The following CLCN5 variants were observed in gnomAD, a reference collection of about 807,000 sequenced individuals.
CLCN5 encodes H(+)/Cl(-) exchange transporter 5.
In CLCN5, 17 loss-of-function variants were observed where a neutral mutation model predicts 54.0. The ratio of observed to expected loss-of-function variants is 0.31; its 90% confidence interval spans 0.22 to 0.47. CLCN5 has a LOEUF of 0.47. Ranked by LOEUF, CLCN5 falls within the 20% of genes least tolerant of loss-of-function variation. CLCN5 has a pLI of 1.00. For synonymous variants in CLCN5, 222 were observed against 233.0 expected (o/e 0.95, Z 0.43); for missense variants, 448 against 646.7 (o/e 0.69, Z 3.33).
rs957878264 is a variant in CLCN5, at chrX:50,077,629, T to A, written c.603+1647T>A. On this transcript the variant is annotated intron_variant, in intron 7 of 14. Transcript: ENST00000376091. ...GAGAGAGAGAGAGAGAGAGTGTGTG[T>A]GTGTGTGTGTGTGTGTGTGTGTGTG... Among the ~76,000 whole-genome samples, 445 of 97,368 alleles carry A rather than the reference T, an allele frequency of 4.6e-3. 4 individuals are homozygous for A. Among genetic ancestry groups the A allele is most frequent in the African/African-American group, 0.016 (434 of 26,394 alleles). The allele number at this position is 97,368 out of a possible 115,157, so 84.6% of individuals were successfully genotyped here.
At chrX:50,087,981 T>A (rs1557194233) in intron 11 of CLCN5, among the ~76,000 whole-genome samples, 1 of 112,425 alleles carries the variant, frequency 8.9e-6, no homozygotes, top group Non-Finnish European at 1.9e-5. Flanking sequence ...TGAGCTTTAC[T>A]TTTTTGGTTA....
Position 49,926,476 on chromosome X carries a change from G to A in CLCN5, c.16+1162G>A, listed in dbSNP as rs1284825508. On this transcript the variant is annotated intron_variant, in intron 3 of 14. Coordinates refer to ENST00000376091, the MANE Select transcript of CLCN5 (RefSeq NM_001127898.4). ...TGTTGAATAAGTGTTAGAATAGAGA[G>A]GTACAAAAAGCAAGGGAAGCCCCGA... Among the ~76,000 whole-genome samples the A allele has an allele frequency of 3.6e-5, 4 of 112,355 alleles. 1 individual carries two copies. The highest frequency in any genetic ancestry group is 1.3e-4 in the African/African-American group (4 of 30,913).
At chrX:49,924,164 G>GTTTTTTTTTTTTTTTTTTTTTTT (rs1925217923) in intron 2 of CLCN5, among the ~76,000 whole-genome samples, 3 of 81,507 alleles carry the variant, frequency 3.7e-5, no homozygotes, top group African/African-American at 1.2e-4. Context: ...TTTTTTTTTG[G>GTTTTTTTTTTTTTTTTTTTTTTT]TTTGAGCCGG....
intron 3 of CLCN5, among the ~76,000 whole-genome samples, chrX:50,008,075 C>T (rs1205476958): frequency 2.7e-5 from 3 of 112,143 alleles, no homozygotes; most frequent in Non-Finnish European, 5.6e-5. Context: ...ACCTCTGTAA[C>T]CTGTATATTA....
At chrX:49,975,357 G>A (rs937159214) in intron 3 of CLCN5, among the ~76,000 whole-genome samples, 3 of 111,649 alleles carry the variant, frequency 2.7e-5, no homozygotes, top group African/African-American at 9.8e-5. Context: ...GTGGGACATA[G>A]AATTACCAGA....
intron 3 of CLCN5, among the ~76,000 whole-genome samples, chrX:50,026,401 G>C (rs1931390736): frequency 9.0e-6 from 1 of 111,609 alleles, no homozygotes; most frequent in Admixed American, 9.5e-5. Context: ...GGATGATGCT[G>C]TTCGGTTTAC....
intron 3 of CLCN5, among the ~76,000 whole-genome samples, chrX:49,934,171 CT>C (rs1391284212): frequency 1.8e-5 from 2 of 111,725 alleles, no homozygotes; most frequent in Non-Finnish European, 3.8e-5. Context: ...GAATCTTAGT[CT>C]TTTCCTACTA....
At position 50,007,397 on chromosome X, in the gene CLCN5, TTCTCTCTCTCTCTCTCTC is replaced by T. The variant is rs781888075; in HGVS notation, c.17-34895_17-34878del. ...ATTTTCTGTCTCTCTCTCTCTCTCT[TTCTCTCTCTCTCTCTCTC>T]TCTCTCTCTCTCTCTCTCTCTCTGT... On this transcript the variant is annotated intron_variant, in intron 3 of 14. Transcript: ENST00000376091. Among the ~76,000 whole-genome samples the T allele has an allele frequency of 4.8e-4, 31 of 64,416 alleles. No homozygotes were observed. The South Asian group carries it at 0.03, about 61-fold the overall frequency. 55.9% of individuals were successfully genotyped at this position (64,416 alleles called of 115,157 possible).
intron 3 of CLCN5, among the ~76,000 whole-genome samples, chrX:49,993,804 G>C (rs1557179278): frequency 9.0e-6 from 1 of 111,672 alleles, no homozygotes; most frequent in African/African-American, 3.3e-5. Flanking sequence ...GTTAGAGGTG[G>C]GTGTGGGGGC....
intron 3 of CLCN5, among the ~76,000 whole-genome samples, chrX:50,007,236 CAGG>C: frequency 8.9e-6 from 1 of 112,100 alleles, no homozygotes; most frequent in Non-Finnish European, 1.9e-5. Flanking sequence ...GCAAGGCATA[CAGG>C]AGAATGAGCA....
At chrX:50,085,296 G>A (rs73492020) in intron 9 of CLCN5, among the ~76,000 whole-genome samples, 1,774 of 111,727 alleles carry the variant, frequency 0.016, 29 homozygotes, top group African/African-American at 0.054. Context: ...CACCTACACA[G>A]AGGTGGAGGT....
intron 3 of CLCN5, among the ~76,000 whole-genome samples, chrX:49,990,777 C>T (rs1929219511): frequency 8.9e-6 from 1 of 112,348 alleles, no homozygotes; most frequent in Non-Finnish European, 1.9e-5. Flanking sequence ...CATTGCTTAG[C>T]TCTCATTTAT....
intron 3 of CLCN5, among the ~76,000 whole-genome samples, chrX:49,957,166 G>T: frequency 9.0e-6 from 1 of 111,309 alleles, no homozygotes; most frequent in East Asian, 2.8e-4. Flanking sequence ...TGGGCGTGGT[G>T]GCATGCTCCT....
At chrX:50,066,642 A>C (rs781872227) in intron 4 of CLCN5, among the ~76,000 whole-genome samples, 1 of 111,799 alleles carries the variant, frequency 8.9e-6, no homozygotes, top group South Asian at 3.7e-4. Flanking sequence ...CAATTAATTA[A>C]GACCTGCTTT....
chrX:50,029,808 G>A (rs1340611354), intron 3 of CLCN5, among the ~76,000 whole-genome samples: 1 of 111,965 alleles, frequency 8.9e-6, no homozygotes, highest in African/African-American at 3.2e-5. Flanking sequence ...TAGTTCAACC[G>A]TTGTGGAAGT....
At chrX:50,026,617 T>A (rs1557185044) in intron 3 of CLCN5, among the ~76,000 whole-genome samples, 1 of 111,856 alleles carries the variant, frequency 8.9e-6, no homozygotes, top group Non-Finnish European at 1.9e-5. Context: ...CATTATGCAG[T>A]ACCCCTCTTT....
intron 3 of CLCN5, among the ~76,000 whole-genome samples, chrX:49,990,981 C>T (rs1184811973): frequency 8.9e-6 from 1 of 112,429 alleles, no homozygotes; most frequent in Non-Finnish European, 1.9e-5. Context: ...GGGCTGGTTC[C>T]ATATTTTTGC....
chrX:49,923,710 G>T (rs1251029278), intron 2 of CLCN5: 1 of 112,212 alleles, frequency 8.9e-6, no homozygotes, highest in African/African-American at 3.2e-5. Flanking sequence ...TCATCGGAGC[G>T]CTTTTTCCTG....
At chrX:49,999,105 A>G (rs1253009221) in intron 3 of CLCN5, among the ~76,000 whole-genome samples, 2 of 109,138 alleles carry the variant, frequency 1.8e-5, no homozygotes, top group African/African-American at 6.7e-5. Context: ...TTATTATGGG[A>G]CACCCTCCCC....
Sources: allele counts gnomAD v4.1 joint callset (sites outside exome capture counted in the v4.1 genomes callset), GRCh38; gene constraint gnomAD v4.1.1; transcripts MANE v1.5; gene names NCBI Gene and HGNC (gene_info 2026-07-23, HGNC 2026-07-21).